GIPC2: variants seen among roughly 807,000 people sequenced by gnomAD.
GIPC2 encodes PDZ domain-containing protein GIPC2.
A neutral mutation model predicts 30.6 loss-of-function variants in GIPC2; 30 were observed. The observed-to-expected ratio is 0.98, with a 90% CI of 0.73 to 1.33. GIPC2 has a LOEUF of 1.33. Ranked by LOEUF, GIPC2 falls within the 40% of genes most tolerant of loss-of-function variation. The probability of loss-of-function intolerance (pLI) is 0.00; values close to 1 mark genes in which losing one functional copy is unlikely to be tolerated. For synonymous variants in GIPC2, 167 were observed against 150.0 expected (o/e 1.11, Z -0.83); for missense variants, 414 against 390.3 (o/e 1.06, Z -0.51).
chr1:78,094,399 A>G (rs1557540511), intron 2 of GIPC2, among the ~76,000 whole-genome samples: 3 of 152,268 alleles, frequency 2.0e-5, no homozygotes, highest in Admixed American at 1.3e-4. Flanking sequence ...GCACTGTGGT[A>G]TGTTGAATCT....
intron 1 of GIPC2, among the ~76,000 whole-genome samples, chr1:78,073,918 A>T (rs113743336): frequency 6.6e-6 from 1 of 152,252 alleles, no homozygotes; most frequent in Non-Finnish European, 1.5e-5. Context: ...TTGAGTTTCA[A>T]TGATGAATAA....
At chr1:78,065,674 T>C (rs1310353261) in intron 1 of GIPC2, among the ~76,000 whole-genome samples, 2 of 152,082 alleles carry the variant, frequency 1.3e-5, no homozygotes, top group Non-Finnish European at 2.9e-5. Flanking sequence ...GTAACCAAAA[T>C]AACTTGGTCC....
intron 1 of GIPC2, among the ~76,000 whole-genome samples, chr1:78,051,974 G>C (rs189153364): frequency 1.7e-4 from 26 of 152,130 alleles, no homozygotes; most frequent in South Asian, 1.5e-3. Context: ...CTCATTTTCT[G>C]CTCTAAACCT....
intron 1 of GIPC2, among the ~76,000 whole-genome samples, chr1:78,061,489 T>G (rs1420311695): frequency 2.0e-5 from 3 of 151,978 alleles, no homozygotes; most frequent in African/African-American, 4.8e-5. Flanking sequence ...AATGGTTTTT[T>G]TTTGTTTGTT....
Position 78,046,966 on chromosome 1 carries a change from C to T in GIPC2, c.240+632C>T, listed in dbSNP as rs527779530. Among the ~76,000 whole-genome samples, 16 of 152,274 alleles carry T rather than the reference C, an allele frequency of 1.1e-4. No individual in the cohort carries two copies. In the East Asian group the frequency reaches 2.9e-3, roughly 28 times the overall value. ...AGTTTAAAAAGCTGGGCTGTTATTC[C>T]AAGAGTGGATAACCTAGAGATTCAT... On this transcript the variant is annotated intron_variant, in intron 1 of 5. Coordinates refer to ENST00000370759, the MANE Select transcript of GIPC2 (RefSeq NM_017655.6).
intron 1 of GIPC2, among the ~76,000 whole-genome samples, chr1:78,074,078 G>T (rs1036494317): frequency 5.9e-5 from 9 of 152,134 alleles, no homozygotes; most frequent in Non-Finnish European, 1.0e-4. Flanking sequence ...ATCTATCCTG[G>T]TTATGATATT....
intron 2 of GIPC2, among the ~76,000 whole-genome samples, chr1:78,090,525 A>G (rs1662018868): frequency 6.6e-6 from 1 of 152,204 alleles, no homozygotes; most frequent in African/African-American, 2.4e-5. Context: ...TAAAATAAAA[A>G]TAAGGATTTA....
intron 1 of GIPC2, among the ~76,000 whole-genome samples, chr1:78,060,729 A>G (rs1661375348): frequency 6.6e-6 from 1 of 151,924 alleles, no homozygotes; most frequent in Admixed American, 6.6e-5. Context: ...TACATGGTAA[A>G]CATCCAAAAG....
chr1:78,131,396 G>T (rs1662895446), intron 5 of GIPC2, among the ~76,000 whole-genome samples: 1 of 152,012 alleles, frequency 6.6e-6, no homozygotes, highest in South Asian at 2.1e-4. Flanking sequence ...TTTTAGTAGA[G>T]ATGGGGTTTC....
chr1:78,090,688 C>T (rs1324018876), intron 2 of GIPC2, among the ~76,000 whole-genome samples: 1 of 152,122 alleles, frequency 6.6e-6, no homozygotes, highest in Non-Finnish European at 1.5e-5. Flanking sequence ...TTTAGTAGAA[C>T]CACATTTTAG....
intron 2 of GIPC2, among the ~76,000 whole-genome samples, chr1:78,087,317 T>C (rs1661948828): frequency 6.6e-6 from 1 of 152,138 alleles, no homozygotes; most frequent in Non-Finnish European, 1.5e-5. Context: ...AGAACAAAGC[T>C]GGAGGCATCA....
chr1:78,110,047 G>T (rs1439268451), intron 3 of GIPC2, among the ~76,000 whole-genome samples: 2 of 150,694 alleles, frequency 1.3e-5, no homozygotes, highest in African/African-American at 2.4e-5. Context: ...TGGGGTGGGG[G>T]AAGGGGGAGG....
At chr1:78,095,750 TTC>T (rs752754159) in intron 3 of GIPC2, among the ~76,000 whole-genome samples, 30 of 152,270 alleles carry the variant, frequency 2.0e-4, no homozygotes, top group Non-Finnish European at 3.7e-4. Context: ...ATGTGCCAGC[TTC>T]TCTCTTACCA....
At chr1:78,126,904 C>G (rs746755516) in intron 5 of GIPC2, among the ~76,000 whole-genome samples, 1 of 152,144 alleles carries the variant, frequency 6.6e-6, no homozygotes, top group Non-Finnish European at 1.5e-5. Flanking sequence ...GATGGTAGGT[C>G]TGGGTTGAAC....
chr1:78,115,751 A>G (rs757499246), intron 3 of GIPC2, among the ~76,000 whole-genome samples: 11 of 152,310 alleles, frequency 7.2e-5, no homozygotes, highest in Middle Eastern at 3.4e-3. Context: ...ATCATCAGCC[A>G]CCATTTATAG....
At chr1:78,081,130 A>G (rs551315890) in intron 2 of GIPC2, among the ~76,000 whole-genome samples, 1 of 152,260 alleles carries the variant, frequency 6.6e-6, no homozygotes, top group South Asian at 2.1e-4. Flanking sequence ...CATTATCCAT[A>G]TAAGCTTTTC....
chr1:78,046,349 G>C lies in GIPC2; in HGVS notation c.240+15G>C, dbSNP rs778802271. The stretch of plus-strand genomic sequence containing the variant: ...CGCCGTCGGAGGTAAGGCGCCAGGT[G>C]CTCAGGCTCTCCCGCCTCTCCGCCG... On this transcript the variant is annotated intron_variant, in intron 1 of 5. Transcript: ENST00000370759. The C allele has an allele frequency of 5.6e-6, 9 of 1,598,330 alleles. No individual in the cohort carries two copies. In the South Asian group the frequency reaches 1.0e-4, roughly 18 times the overall value.
chr1:78,065,533 A>T (rs1056379841), intron 1 of GIPC2, among the ~76,000 whole-genome samples: 8 of 77,478 alleles, frequency 1.0e-4, no homozygotes, highest in Non-Finnish European at 1.6e-4. Context: ...TCACAGAATT[A>T]AAAAAAAAAA....
At chr1:78,116,724 A>T (rs1043815643) in intron 3 of GIPC2, among the ~76,000 whole-genome samples, 2 of 152,174 alleles carry the variant, frequency 1.3e-5, no homozygotes, top group Non-Finnish European at 2.9e-5. Flanking sequence ...CATGGTGTAT[A>T]TGTGCCACAT....
Sources: allele counts gnomAD v4.1 joint callset (sites outside exome capture counted in the v4.1 genomes callset), GRCh38; gene constraint gnomAD v4.1.1; transcripts MANE v1.5; gene names NCBI Gene and HGNC (gene_info 2026-07-23, HGNC 2026-07-21).